Variants in EPHB2 observed in about 807,000 individuals in gnomAD.
EPHB2 encodes the protein EPH receptor B2.
A neutral mutation model predicts 96.4 loss-of-function variants in EPHB2; 18 were observed. The observed-to-expected ratio is 0.19, with a 90% CI of 0.13 to 0.28. The LOEUF (loss-of-function observed/expected upper bound fraction) is 0.28. Among genes scored for constraint, EPHB2 ranks in the 10% least tolerant of loss-of-function variants. The pLI is 1.00. For missense variants in EPHB2, 989 were observed against 1,355.4 expected, an observed-to-expected ratio of 0.73 and a Z score of 4.25; for synonymous variants, 506 against 534.1, an observed-to-expected ratio of 0.95 and a Z score of 0.72.
At chr1:22,842,817 C>T (rs1044310803) in intron 3 of EPHB2, among the ~76,000 whole-genome samples, 25 of 152,182 alleles carry the variant, frequency 1.6e-4, no homozygotes, top group African/African-American at 5.8e-4. Flanking sequence ...GCCTGGAATA[C>T]CCTTCCCTGC....
intron 1 of EPHB2, among the ~76,000 whole-genome samples, chr1:22,752,615 G>A (rs1485354787): frequency 2.0e-5 from 3 of 151,256 alleles, no homozygotes; most frequent in South Asian, 4.1e-4. Flanking sequence ...CTGCTTTTTA[G>A]TAAGAGCCTC....
At chr1:22,729,484 C>T (rs1643655633) in intron 1 of EPHB2, among the ~76,000 whole-genome samples, 1 of 152,222 alleles carries the variant, frequency 6.6e-6, no homozygotes, top group African/African-American at 2.4e-5. Flanking sequence ...AGGCCCTGTG[C>T]GGCCTGCTTC....
intron 3 of EPHB2, among the ~76,000 whole-genome samples, chr1:22,791,440 TG>T (rs1644689520): frequency 2.0e-5 from 3 of 151,036 alleles, no homozygotes; most frequent in African/African-American, 7.3e-5. Flanking sequence ...TTAAATTACA[TG>T]GGTTTCTTTC....
rs758432253 is a variant in EPHB2 at position 22,864,986 on chromosome 1, C to T, written c.1077C>T (p.Asn359=). The change falls in exon 5 of 16, where the codon AAC becomes AAT. Residue 359 remains asparagine, a synonymous_variant. Coordinates refer to ENST00000374630, the MANE Select transcript of EPHB2 (RefSeq NM_017449.5). ...GAGGCCGAGAGGACCTCGTCTACAA[C>T]ATCATCTGCAAGAGCTGTGGCTCGG... is the stretch of plus-strand genomic sequence containing the variant. ...DSGGREDLVY[N]IICKSCGSGR... is the part of the protein sequence containing the mutation. 6.2e-7 allele frequency: 1 copy of T among 1,609,630 alleles called. No homozygotes were observed. Among genetic ancestry groups the T allele is most frequent in the South Asian group, 1.1e-5 (1 of 90,718 alleles).
intron 3 of EPHB2, among the ~76,000 whole-genome samples, chr1:22,850,517 G>A (rs968567175): frequency 2.0e-5 from 3 of 152,218 alleles, no homozygotes; most frequent in African/African-American, 4.8e-5. Context: ...CCTGGGCCTG[G>A]CCCTGCCAGA....
At chr1:22,842,721 C>T (rs943534181) in intron 3 of EPHB2, among the ~76,000 whole-genome samples, 2 of 152,196 alleles carry the variant, frequency 1.3e-5, no homozygotes, top group African/African-American at 4.8e-5. Flanking sequence ...CCTGCTTCAG[C>T]GGCCAGACCT....
In EPHB2 at chr1:22,710,924, CCCGCCCGGG is replaced by C. The variant is rs1187537125; in HGVS notation, c.-55_-47del. 5 of 146,062 alleles carry C rather than the reference CCCGCCCGGG, an allele frequency of 3.4e-5. No homozygotes were observed. The highest frequency in any genetic ancestry group is 7.6e-5 in the Non-Finnish European group (5 of 65,680). The allele number at this position is 146,062 out of a possible 1,614,324, so 9.0% of individuals were successfully genotyped here. A position where few individuals can be genotyped will look rare whatever the true frequency, so the allele number is the denominator to read the frequency against. ...GCCCCCCGAGCCCGGGGCGCGCGCTCCCGCCCGGGCCGTCCGGGCCCCGCGGCGCCGCGG... is the reference window on the plus strand; with the variant it reads ...GCCCCCCGAGCCCGGGGCGCGCGCTCCCGTCCGGGCCCCGCGGCGCCGCGG... On this transcript the variant is annotated 5_prime_UTR_variant, in exon 1 of 16. Transcript: ENST00000374630.
At chr1:22,839,888 A>G (rs1645440717) in intron 3 of EPHB2, among the ~76,000 whole-genome samples, 1 of 151,964 alleles carries the variant, frequency 6.6e-6, no homozygotes, top group Non-Finnish European at 1.5e-5. Flanking sequence ...CACCTATCGT[A>G]CCCTACACTC....
At chr1:22,838,525 A>G (rs1389198877) in intron 3 of EPHB2, among the ~76,000 whole-genome samples, 1 of 152,308 alleles carries the variant, frequency 6.6e-6, no homozygotes, top group East Asian at 1.9e-4. Flanking sequence ...ATGGTGACCA[A>G]GTAAGATTAT....
intron 1 of EPHB2, among the ~76,000 whole-genome samples, chr1:22,754,313 A>G (rs1320065473): frequency 3.3e-5 from 5 of 152,054 alleles, no homozygotes; most frequent in Admixed American, 6.5e-5. Context: ...TCTACAAATG[A>G]CTCACTTTTC....
chr1:22,912,666 G>A, intron 15 of EPHB2, 67 bp downstream of exon 15: 2 of 1,602,518 alleles, frequency 1.2e-6, no homozygotes, highest in African/African-American at 1.3e-5. Flanking sequence ...CCAGCCAAGT[G>A]GGGTGATCTG....
chr1:22,910,590 T>C lies in EPHB2; in HGVS notation c.2696+15T>C. ...CTCTCCTCTGGGTAAGGCCCCACCC[T>C]GGCCCTGCCCCAGCCAGGCCCTGCC... On this transcript the variant is annotated intron_variant, in intron 14 of 15. Transcript: ENST00000374630. 6.2e-7 allele frequency: 1 copy of C among 1,613,598 alleles called. No individual in the cohort carries two copies. The highest frequency in any genetic ancestry group is 8.5e-7 in the Non-Finnish European group (1 of 1,179,810).
chr1:22,780,668 G>A (rs769601948), intron 1 of EPHB2, among the ~76,000 whole-genome samples: 1 of 152,204 alleles, frequency 6.6e-6, no homozygotes, highest in Non-Finnish European at 1.5e-5. Context: ...ACAGATCCCA[G>A]AGTTTGATGT....
At chr1:22,718,004 G>T (rs1643337251) in intron 1 of EPHB2, among the ~76,000 whole-genome samples, 1 of 152,198 alleles carries the variant, frequency 6.6e-6, no homozygotes. Context: ...AGCTGAGTGT[G>T]TGCCTCAGGT....
At position 22,906,635 on chromosome 1, in the gene EPHB2, A is replaced by T; in HGVS notation, c.1889-75A>T. The T allele has an allele frequency of 6.2e-7, 1 of 1,605,750 alleles. No individual in the cohort carries two copies. Among genetic ancestry groups the T allele is most frequent in the South Asian group, 1.1e-5 (1 of 89,968 alleles). On this transcript the variant is annotated intron_variant, in intron 10 of 15. Transcript: ENST00000374630. This position sits in a 1 kb window ranked among gnomAD's most constrained non-coding sequence, Gnocchi z 4.8. ...ATGTACCTGCAGGCCCCGTGAGTGG[A>T]CATGACAGGGAACAGGAAGGTGGCC...
Position 22,906,886 on chromosome 1 carries a change from G to A in EPHB2, c.2065G>A (p.Val689Met), listed in dbSNP as rs372886782. The A allele has an allele frequency of 3.2e-5, 52 of 1,614,058 alleles. No homozygotes were observed. Among genetic ancestry groups the A allele is most frequent in the African/African-American group, 5.3e-5 (4 of 74,932 alleles). The change falls in exon 11 of 16, where the codon GTG (valine) becomes ATG (methionine). Residue 689 changes from valine to methionine, a missense_variant. By Grantham distance (21) the Val-to-Met change is conservative. Transcript: ENST00000374630. This position sits in a 1 kb window ranked among gnomAD's most constrained non-coding sequence, Gnocchi z 4.8. The part of the protein sequence containing the change: ...HPNVIHLEGV[V>M]TKSTPVMIIT... ...CAACGTCATCCACCTGGAGGGTGTC[G>A]TGACCAAGAGCACACCTGTGATGAT... is the stretch of plus-strand genomic sequence containing the variant.
At chr1:22,808,284 C>T (rs1372738003) in intron 3 of EPHB2, among the ~76,000 whole-genome samples, 1 of 152,206 alleles carries the variant, frequency 6.6e-6, no homozygotes, top group African/African-American at 2.4e-5. Context: ...TTTCTCAGCT[C>T]CTGCAGGAAA....
chr1:22,742,649 G>A (rs1643918116), intron 1 of EPHB2, among the ~76,000 whole-genome samples: 1 of 151,792 alleles, frequency 6.6e-6, no homozygotes, highest in African/African-American at 2.4e-5. Context: ...TAGGACTAAA[G>A]GTATATGCCA....
At chr1:22,822,019 T>G (rs10917309) in intron 3 of EPHB2, among the ~76,000 whole-genome samples, 2,734 of 152,294 alleles carry the variant, frequency 0.018, 81 homozygotes, top group African/African-American at 0.062. Context: ...GAGGAAAGAA[T>G]AATCTTTATT....
Sources: allele counts gnomAD v4.1 joint callset (sites outside exome capture counted in the v4.1 genomes callset), GRCh38; gene constraint gnomAD v4.1.1; non-coding constraint Gnocchi (gnomAD v3.1); transcripts MANE v1.5; gene names NCBI Gene and HGNC (gene_info 2026-07-23, HGNC 2026-07-21).